Variants in KNDC1 observed in about 807,000 individuals in gnomAD.
KNDC1 encodes kinase non-catalytic C-lobe domain-containing protein 1.
A neutral mutation model predicts 172.8 loss-of-function variants in KNDC1; 106 were observed. The observed-to-expected ratio is 0.61, with a 90% CI of 0.52 to 0.72. The LOEUF (loss-of-function observed/expected upper bound fraction) is 0.72. Ranked by LOEUF, KNDC1 falls within the 30% of genes least tolerant of loss-of-function variation. The probability of loss-of-function intolerance (pLI) is 0.00; values close to 1 mark genes in which losing one functional copy is unlikely to be tolerated. For missense variants in KNDC1, 2,325 were observed against 2,394.5 expected (o/e 0.97, Z 0.61); for synonymous variants, 1,083 against 1,062.2 (o/e 1.02, Z -0.38).
intron 9 of KNDC1, 79 bp from the exon 10 acceptor site, chr10:133,195,584 G>A (rs1317751219): frequency 3.7e-6 from 5 of 1,356,362 alleles, no homozygotes; most frequent in Admixed American, 2.9e-5. Context: ...GCCCCTCAGG[G>A]TGCCTGAGGT....
chr10:133,199,343 G>T, intron 14 of KNDC1, 77 bp downstream of exon 14: 1 of 1,557,052 alleles, frequency 6.4e-7, no homozygotes, highest in Non-Finnish European at 8.7e-7. Flanking sequence ...GCCGCCCCAC[G>T]CCCTTCCCCC....
intron 17 of KNDC1, among the ~76,000 whole-genome samples, chr10:133,204,307 A>G (rs1336252698): frequency 6.6e-6 from 1 of 152,236 alleles, no homozygotes; most frequent in Admixed American, 6.5e-5. Flanking sequence ...ACGTGTGGCT[A>G]CTGAGCTCTG....
At chr10:133,202,006 C>T (rs1854388960) in intron 17 of KNDC1, 108 bp downstream of exon 17, 1 of 1,239,222 alleles carries the variant, frequency 8.1e-7, no homozygotes, top group South Asian at 1.3e-5. Context: ...GAGCCCCCAA[C>T]AGGGTGACAC....
intron 1 of KNDC1, 149 bp from the exon 2 acceptor site, chr10:133,167,230 CAA>C (rs1853193615): frequency 2.8e-6 from 2 of 706,674 alleles, no homozygotes; most frequent in East Asian, 2.7e-5. Flanking sequence ...ACTCTTGAAA[CAA>C]AATGAGACGT....
chr10:133,178,012 T>G (rs1251275639), intron 3 of KNDC1, among the ~76,000 whole-genome samples: 1 of 149,098 alleles, frequency 6.7e-6, no homozygotes, highest in Admixed American at 6.7e-5. Context: ...ATGTGGTGTG[T>G]GCATGCATGT....
In KNDC1 at chr10:133,218,949, C is replaced by G. The variant is rs779678120; in HGVS notation, c.4796C>G (p.Ser1599Cys). 6.2e-7 allele frequency: 1 copy of G among 1,613,764 alleles called. No homozygotes were observed. Among genetic ancestry groups the G allele is most frequent in the Non-Finnish European group, 8.5e-7 (1 of 1,179,912 alleles). Reference protein sequence around the residue: ...SGLEHLAVRQSPAWRILPAKI... With the variant: ...SGLEHLAVRQCPAWRILPAKI... ...CTGGAGCACCTGGCCGTGAGGCAGT[C>G]CCCTGTGCGTCCCCCTCGGGCCCCA... The change falls in exon 27 of 30, where the codon TCC (serine) becomes TGC (cysteine). Residue 1599 changes from serine (S) to cysteine (C), a missense_variant. Physicochemically the swap from Ser to Cys is moderately radical, Grantham distance 112 (BLOSUM62 -1). Transcript: ENST00000304613.
chr10:133,187,508 G>A (rs1032575822), intron 6 of KNDC1, among the ~76,000 whole-genome samples: 1 of 152,262 alleles, frequency 6.6e-6, no homozygotes, highest in Non-Finnish European at 1.5e-5. Flanking sequence ...CCGGGGACGG[G>A]GGTGCCCTCA....
Position 133,206,861 on chromosome 10 carries a change from G to C in KNDC1, c.3487G>C (p.Asp1163His). ...LQKEKRNKGSDVKTMLSKLKG... is the reference protein window; with the variant it reads ...LQKEKRNKGSHVKTMLSKLKG... ...CCACTCTGCTCCACCCACAGGTTCC[G>C]ACGTCAAGACCATGCTGTCCAAGCT... The change falls in exon 19 of 30, where the codon GAC becomes CAC. Residue 1163 changes from aspartate (D) to histidine (H), a missense_variant. Coordinates refer to ENST00000304613, the MANE Select transcript of KNDC1 (RefSeq NM_152643.8). The C allele has an allele frequency of 1.2e-6, 2 of 1,614,116 alleles. No individual in the cohort carries two copies. Among genetic ancestry groups the C allele is most frequent in the Non-Finnish European group, 1.7e-6 (2 of 1,179,982 alleles).
At chr10:133,172,238 G>A (rs970795827) in intron 3 of KNDC1, among the ~76,000 whole-genome samples, 36 of 152,116 alleles carry the variant, frequency 2.4e-4, no homozygotes, top group African/African-American at 8.0e-4. Flanking sequence ...CCAGAATGGC[G>A]CCCGCCTCCA....
intron 1 of KNDC1, among the ~76,000 whole-genome samples, chr10:133,164,759 C>T (rs922527871): frequency 2.6e-5 from 4 of 152,202 alleles, no homozygotes; most frequent in African/African-American, 9.6e-5. Context: ...CTCAGGACTA[C>T]AGGACGCCCA....
At chr10:133,188,795 A>T in intron 7 of KNDC1, 142 bp downstream of exon 7, 1 of 540,092 alleles carries the variant, frequency 1.9e-6, no homozygotes, top group Non-Finnish European at 3.4e-6. Context: ...CTGCCGTCCC[A>T]TGCGTAACTG....
intron 26 of KNDC1, among the ~76,000 whole-genome samples, chr10:133,217,486 T>G (rs748537752): frequency 8.5e-5 from 10 of 117,930 alleles, no homozygotes; most frequent in Non-Finnish European, 1.7e-4. Context: ...ACTTTGGGAG[T>G]CCGAGGCGGG....
At chr10:133,188,415 G>A (rs1200979883) in intron 6 of KNDC1, 124 bp from the exon 7 acceptor site, 2 of 629,478 alleles carry the variant, frequency 3.2e-6, no homozygotes, top group East Asian at 2.8e-5. Context: ...TCTATCAGGT[G>A]TGGGGGGCGC....
Position 133,206,686 on chromosome 10 carries a change from A to G in KNDC1, c.3389A>G (p.Glu1130Gly), listed in dbSNP as rs1564895432. 7 of 1,613,702 alleles carry G rather than the reference A, an allele frequency of 4.3e-6. No individual in the cohort carries two copies. Among genetic ancestry groups the G allele is most frequent in the Non-Finnish European group, 5.1e-6 (6 of 1,179,872 alleles). The change falls in exon 18 of 30, where the codon GAG becomes GGG. Residue 1130 changes from glutamate (E) to glycine (G), a missense_variant and splice_region_variant. Glu to Gly is a moderately conservative substitution (Grantham distance 98, BLOSUM62 -2). Coordinates refer to ENST00000304613, the MANE Select transcript of KNDC1 (RefSeq NM_152643.8). ...TTAGGCGCTGTGTTTCGTCCCCAGG[A>G]GCTGGAACAGCAGCTCATGATGGAG... Reference protein sequence around the residue: ...DGALPDAQSPELEQQLMMEKR... With the variant: ...DGALPDAQSPGLEQQLMMEKR...
intron 28 of KNDC1, among the ~76,000 whole-genome samples, chr10:133,219,467 C>T (rs1845536424): frequency 6.6e-6 from 1 of 152,222 alleles, no homozygotes; most frequent in Admixed American, 6.5e-5. Context: ...GACCAGCCAT[C>T]CCCAAACATG....
intron 28 of KNDC1, 40 bp downstream of exon 28, chr10:133,219,130 G>A (rs759830346): frequency 8.8e-6 from 14 of 1,597,630 alleles, no homozygotes; most frequent in African/African-American, 2.7e-5. Context: ...TTGGTCCCCC[G>A]AGGCCCTCTC....
At chr10:133,213,584 C>T in intron 24 of KNDC1, 61 bp from the exon 25 acceptor site, 1 of 1,473,434 alleles carries the variant, frequency 6.8e-7, no homozygotes, top group Non-Finnish European at 9.5e-7. Flanking sequence ...TGGGACCCTG[C>T]CTTGGACACA....
chr10:133,221,294 C>T (rs1845583546), intron 29 of KNDC1, among the ~76,000 whole-genome samples: 1 of 152,130 alleles, frequency 6.6e-6, no homozygotes, highest in African/African-American at 2.4e-5. Flanking sequence ...GCACCTGGGA[C>T]CAACTACCTT....
Position 133,224,620 on chromosome 10 carries a change from C to T in KNDC1, c.5019-39C>T. ...CCTCCCCACGGAAGCCGCGCCCCTGCCCTGTGCAAACTAACGTCTCTTCTT... is the reference window on the plus strand; with the variant it reads ...CCTCCCCACGGAAGCCGCGCCCCTGTCCTGTGCAAACTAACGTCTCTTCTT... On this transcript the variant is annotated intron_variant, in intron 29 of 29. Coordinates refer to ENST00000304613, the MANE Select transcript of KNDC1 (RefSeq NM_152643.8). The surrounding 1 kb of genome is among the most constrained non-coding windows in gnomAD (Gnocchi z 5.4). 1 of 1,537,584 alleles carries T rather than the reference C, an allele frequency of 6.5e-7. No homozygotes were observed.
Sources: gnomAD v4.1 joint callset for allele counts (sites outside exome capture counted in the v4.1 genomes callset) on GRCh38, gnomAD v4.1.1 for gene constraint, Gnocchi (gnomAD v3.1) non-coding constraint, MANE v1.5 for transcripts, NCBI Gene and HGNC (gene_info 2026-07-23, HGNC 2026-07-21) for gene names.